The following SEC14L6 variants were observed in gnomAD, a reference collection of about 807,000 sequenced individuals.
SEC14L6 encodes SEC14 like lipid binding 6.
In SEC14L6, 40 loss-of-function variants were observed where a neutral mutation model predicts 54.1. The observed-to-expected ratio is 0.74, with a 90% CI of 0.57 to 0.96. The LOEUF is 0.96. SEC14L6 is among the 40% of genes least tolerant of loss of function. The probability of loss-of-function intolerance (pLI) is 0.00; values close to 1 mark genes in which losing one functional copy is unlikely to be tolerated. For synonymous variants in SEC14L6, 171 were observed against 198.4 expected (o/e 0.86, Z 1.16); for missense variants, 471 against 498.3 (o/e 0.95, Z 0.52).
chr22:30,544,276 A>G, intron 1 of SEC14L6: 1 of 488,142 alleles, frequency 2.0e-6, no homozygotes. Context: ...CTCTCCCCAC[A>G]TTGCCACACA....
chr22:30,526,075 G>T, intron 8 of SEC14L6, 143 bp from the exon 9 acceptor site: 1 of 999,000 alleles, frequency 1.0e-6, no homozygotes. Flanking sequence ...GAGCAGTCCT[G>T]TCCCAGAAGA....
rs757157037 is a variant in SEC14L6, at chr22:30,525,766, G to C, written c.772-16C>G. The C allele has an allele frequency of 3.7e-6, 6 of 1,613,852 alleles. No individual in the cohort carries two copies. In the South Asian group the frequency reaches 6.6e-5, roughly 18 times the overall value. ...CGTAGTTGATCTGTGGGTGAAGGGGGTGTGTGGGCACTAGGTCACAGCTTC... is the reference window on the plus strand; with the variant it reads ...CGTAGTTGATCTGTGGGTGAAGGGGCTGTGTGGGCACTAGGTCACAGCTTC... On this transcript the variant is annotated splice_polypyrimidine_tract_variant and intron_variant, in intron 9 of 11. Transcript: ENST00000402034.
chr22:30,543,959 C>A, intron 1 of SEC14L6: 1 of 1,605,978 alleles, frequency 6.2e-7, no homozygotes, highest in South Asian at 1.1e-5. Flanking sequence ...CAGCCTGCGT[C>A]GGAGGACACC....
At chr22:30,543,181 G>C (rs7291376) in intron 1 of SEC14L6, 31,394 of 1,602,888 alleles carry the variant, frequency 0.02, 476 homozygotes, top group Middle Eastern at 0.055. Context: ...AAGAGAGAGC[G>C]TGTCCTACAG....
chr22:30,529,247 CT>C (rs1274278535), intron 7 of SEC14L6, 41 bp downstream of exon 7: 3 of 1,546,714 alleles, frequency 1.9e-6, no homozygotes, highest in Non-Finnish European at 2.6e-6. Flanking sequence ...CGCACATCCC[CT>C]GTCCCCCCAA....
At chr22:30,540,647 C>A (rs2085688195) in intron 1 of SEC14L6, among the ~76,000 whole-genome samples, 1 of 150,284 alleles carries the variant, frequency 6.7e-6, no homozygotes, top group African/African-American at 2.5e-5. Flanking sequence ...ACCCAGGAGG[C>A]ACAGATTGCA....
At chr22:30,534,339 A>G (rs1043313650) in intron 2 of SEC14L6, among the ~76,000 whole-genome samples, 1 of 152,198 alleles carries the variant, frequency 6.6e-6, no homozygotes, top group Non-Finnish European at 1.5e-5. Flanking sequence ...AAGGCTGAGA[A>G]TTGTTTAAAT....
rs1936993305 is a variant in SEC14L6, at chr22:30,532,013, CAG to C, written c.424-17_424-16del. 5.2e-6 allele frequency: 8 copies of C among 1,549,192 alleles called. No individual in the cohort carries two copies. In the East Asian group the frequency reaches 1.2e-4, roughly 24 times the overall value. ...CTCTTCCCCAGCTGCAAGGGAATGACAGGGGGTGAGACCCTGTGAGGGCCACT... is the reference window on the plus strand; with the variant it reads ...CTCTTCCCCAGCTGCAAGGGAATGACGGGGTGAGACCCTGTGAGGGCCACT... On this transcript the variant is annotated splice_polypyrimidine_tract_variant and intron_variant, in intron 5 of 11. Transcript: ENST00000402034.
intron 6 of SEC14L6, among the ~76,000 whole-genome samples, chr22:30,531,491 A>C (rs111798676): frequency 2.6e-5 from 4 of 151,920 alleles, no homozygotes; most frequent in African/African-American, 7.2e-5. Context: ...TTGGGAGGCC[A>C]AGGCGGGCAG....
At chr22:30,539,004 C>A in intron 1 of SEC14L6, 102 bp from the exon 2 acceptor site, 1 of 771,734 alleles carries the variant, frequency 1.3e-6, no homozygotes, top group Non-Finnish European at 2.2e-6. Context: ...GAAGAGGTCC[C>A]ACTCGGGCTG....
rs767066738 is a variant in SEC14L6, at chr22:30,525,397, T to G, written c.1034A>C (p.His345Pro). ...EVLPSQRYNA[H>P]MVPEDGILTC... Reference sequence around the variant, plus strand: ...GAGAATCCCATCTTCAGGCACCATGTGGGCATTGTAGCGCTGGCTGGGCAG... The same window carrying G: ...GAGAATCCCATCTTCAGGCACCATGGGGGCATTGTAGCGCTGGCTGGGCAG... The change falls in exon 11 of 12, where the codon CAC becomes CCC. Residue 345 changes from histidine (H) to proline (P), a missense_variant. Coordinates refer to ENST00000402034, the MANE Select transcript of SEC14L6 (RefSeq NM_001193336.4). 1 of 1,614,212 alleles carries G rather than the reference T, an allele frequency of 6.2e-7. No homozygotes were observed.
At position 30,545,688 on chromosome 22, in the gene SEC14L6, A is replaced by G. The variant is rs181839987; in HGVS notation, c.54+941T>C. On this transcript the variant is annotated intron_variant, in intron 1 of 11. Coordinates refer to ENST00000402034, the MANE Select transcript of SEC14L6 (RefSeq NM_001193336.4). Reference sequence around the variant, plus strand: ...GGCTCCAGTGATCCTCCCGCCTCAAAGTGCGGGGATTATAGGCCCGAGCTA... The same window carrying G: ...GGCTCCAGTGATCCTCCCGCCTCAAGGTGCGGGGATTATAGGCCCGAGCTA... 3.1e-3 allele frequency among the ~76,000 whole-genome samples: 474 copies of G among 152,278 alleles called. 4 individuals carry two copies. The highest frequency in any genetic ancestry group is 0.011 in the African/African-American group (447 of 41,566).
At position 30,525,410 on chromosome 22, in the gene SEC14L6, G is replaced by C; in HGVS notation, c.1021C>G (p.Arg341Gly). The C allele has an allele frequency of 6.2e-7, 1 of 1,614,164 alleles. No individual in the cohort carries two copies. Among genetic ancestry groups the C allele is most frequent in the Non-Finnish European group, 8.5e-7 (1 of 1,180,028 alleles). Reference protein sequence around the residue: ...REMTEVLPSQRYNAHMVPEDG... With the variant: ...REMTEVLPSQGYNAHMVPEDG... The stretch of plus-strand genomic sequence containing the variant: ...TCAGGCACCATGTGGGCATTGTAGC[G>C]CTGGCTGGGCAGCACCTCTGTCATC... Residue 341 changes from arginine (R) to glycine (G), a missense_variant, in exon 11 of 12, where the codon CGC (arginine) becomes GGC (glycine). Transcript: ENST00000402034.
At chr22:30,544,182 G>A in intron 1 of SEC14L6, 2 of 872,214 alleles carry the variant, frequency 2.3e-6, no homozygotes, top group Non-Finnish European at 3.5e-6. Flanking sequence ...CCGGAGGGCT[G>A]GGGCGGTGCA....
chr22:30,533,562 T>C (rs1039759345), intron 3 of SEC14L6, among the ~76,000 whole-genome samples: 2 of 150,658 alleles, frequency 1.3e-5, no homozygotes, highest in Admixed American at 1.3e-4. Context: ...GATCACGTCA[T>C]TATACTCCAG....
intron 3 of SEC14L6, 130 bp from the exon 4 acceptor site, chr22:30,532,986 A>T: frequency 4.0e-6 from 6 of 1,503,618 alleles, no homozygotes; most frequent in Non-Finnish European, 5.3e-6. Flanking sequence ...CCCAGGCTCC[A>T]CTGACATAGA....
intron 1 of SEC14L6, among the ~76,000 whole-genome samples, chr22:30,545,916 C>T (rs924240796): frequency 6.6e-6 from 1 of 152,026 alleles, no homozygotes; most frequent in Non-Finnish European, 1.5e-5. Context: ...CTGCAACCTC[C>T]ACCTCCTGGG....
In SEC14L6 at chr22:30,529,154, G is replaced by A. The variant is rs759028622; in HGVS notation, c.597C>T (p.Ala199=). The A allele has an allele frequency of 3.9e-5, 61 of 1,551,048 alleles. No homozygotes were observed. Among genetic ancestry groups the A allele is most frequent in the Non-Finnish European group, 4.8e-5 (55 of 1,147,166 alleles). The part of the protein sequence containing the change: ...LIVVRAPKLF[A]VAFNLVKSYM... The stretch of plus-strand genomic sequence containing the variant: ...AAGACTTGACCAGGTTGAAGGCTAC[G>A]GCGAATAGCTTGGGGGCTGAAACCA... The change falls in exon 8 of 12, where the codon GCC becomes GCT. Residue 199 remains alanine, a synonymous_variant. Coordinates refer to ENST00000402034, the MANE Select transcript of SEC14L6 (RefSeq NM_001193336.4).
chr22:30,536,996 C>T lies in SEC14L6; in HGVS notation c.130+1831G>A, dbSNP rs150102374. Among the ~76,000 whole-genome samples the T allele has an allele frequency of 2.6e-3, 368 of 144,186 alleles. 4 individuals carry two copies. The highest frequency in any genetic ancestry group is 7.4e-3 in the Middle Eastern group (2 of 270). The allele number at this position is 144,186 out of a possible 152,430, so 94.6% of individuals were successfully genotyped here. ...CCAAGATTCTGCCACTGCACTCCAG[C>T]CTGGGTGACAGTGAGACTCTGACTC... On this transcript the variant is annotated intron_variant, in intron 2 of 11. Transcript: ENST00000402034.
Sources: gnomAD v4.1 joint callset for allele counts (sites outside exome capture counted in the v4.1 genomes callset) on GRCh38, gnomAD v4.1.1 for gene constraint, MANE v1.5 for transcripts, NCBI Gene and HGNC (gene_info 2026-07-23, HGNC 2026-07-21) for gene names.